LMBRD1: variants seen among roughly 807,000 people sequenced by gnomAD.
LMBRD1 encodes LMBR1 domain containing 1.
A neutral mutation model predicts 74.8 loss-of-function variants in LMBRD1; 64 were observed. The ratio of observed to expected loss-of-function variants is 0.86; its 90% CI spans 0.70 to 1.05. The LOEUF (loss-of-function observed/expected upper bound fraction) is 1.05, where lower values mean the gene tolerates loss of function less well. Ranked by LOEUF, LMBRD1 falls within the 50% of genes least tolerant of loss-of-function variation. The probability of loss-of-function intolerance (pLI) is 0.00; values close to 1 mark genes in which losing one functional copy is unlikely to be tolerated. For missense variants in LMBRD1, 652 were observed against 645.9 expected (o/e 1.01, Z -0.10); for synonymous variants, 204 against 216.3 (o/e 0.94, Z 0.50).
At position 69,702,821 on chromosome 6, in the gene LMBRD1, G is replaced by A. The variant is rs191113435; in HGVS notation, c.916-868C>T. 2.6e-5 allele frequency among the ~76,000 whole-genome samples: 4 copies of A among 152,152 alleles called. No homozygotes were observed. In the East Asian group the frequency reaches 5.8e-4, roughly 22 times the overall value. Reference sequence around the variant, plus strand: ...CCTTTAACTGGAATTGATATAAATAGATCAATGAATGTTATGAAATCATGA... The same window carrying A: ...CCTTTAACTGGAATTGATATAAATAAATCAATGAATGTTATGAAATCATGA... On this transcript the variant is annotated intron_variant, in intron 9 of 15. Coordinates refer to ENST00000649934, the MANE Select transcript of LMBRD1 (RefSeq NM_018368.4).
At chr6:69,770,154 T>C (rs547348143) in intron 3 of LMBRD1, among the ~76,000 whole-genome samples, 1 of 152,254 alleles carries the variant, frequency 6.6e-6, no homozygotes, top group South Asian at 2.1e-4. Context: ...TCCTCTCCGC[T>C]CACCTGACTC....
At chr6:69,716,480 T>C (rs924740021) in intron 8 of LMBRD1, among the ~76,000 whole-genome samples, 8 of 152,156 alleles carry the variant, frequency 5.3e-5, no homozygotes, top group Non-Finnish European at 8.8e-5. Flanking sequence ...TTTATATTTA[T>C]TTTTCATAAA....
Position 69,718,843 on chromosome 6 carries a change from A to T in LMBRD1, c.762+113T>A, listed in dbSNP as rs564326220. The T allele has an allele frequency of 3.6e-5, 41 of 1,149,818 alleles. No homozygotes were observed. In the South Asian group the frequency reaches 4.8e-4, roughly 14 times the overall value. The allele number at this position is 1,149,818 out of a possible 1,614,324, so 71.2% of individuals were successfully genotyped here. A position where few individuals can be genotyped will look rare whatever the true frequency, so the allele number is the denominator to read the frequency against. Reference sequence around the variant, plus strand: ...CAAACTGTACCAGATATGCTGCAAAAAATTCAAACAATGTAAAAAGTTATG... The same window carrying T: ...CAAACTGTACCAGATATGCTGCAAATAATTCAAACAATGTAAAAAGTTATG... On this transcript the variant is annotated intron_variant, in intron 8 of 15. Coordinates refer to ENST00000649934, the MANE Select transcript of LMBRD1 (RefSeq NM_018368.4).
At chr6:69,726,982 C>T (rs1766751008) in intron 7 of LMBRD1, among the ~76,000 whole-genome samples, 3 of 151,980 alleles carry the variant, frequency 2.0e-5, no homozygotes, top group Admixed American at 6.6e-5. Flanking sequence ...GGTGAAATCC[C>T]ATCTCTACTA....
intron 3 of LMBRD1, among the ~76,000 whole-genome samples, chr6:69,775,365 A>G (rs902990242): frequency 1.3e-5 from 2 of 152,214 alleles, no homozygotes; most frequent in African/African-American, 4.8e-5. Flanking sequence ...TTCCATTAAT[A>G]TAACAGAAGA....
chr6:69,693,167 G>A (rs1765925201), intron 14 of LMBRD1, among the ~76,000 whole-genome samples: 1 of 152,022 alleles, frequency 6.6e-6, no homozygotes, highest in Admixed American at 6.5e-5. Flanking sequence ...TGCATTACCT[G>A]TCAGGATGAA....
At chr6:69,713,563 A>C (rs1401099841) in intron 9 of LMBRD1, 82 bp downstream of exon 9, 1 of 1,419,908 alleles carries the variant, frequency 7.0e-7, no homozygotes. Flanking sequence ...GTAATGCCTC[A>C]AAAGGAGAGC....
chr6:69,738,819 T>A (rs1254057794), intron 6 of LMBRD1, among the ~76,000 whole-genome samples: 1 of 152,110 alleles, frequency 6.6e-6, no homozygotes, highest in Non-Finnish European at 1.5e-5. Flanking sequence ...ATTGAGCGAG[T>A]TTAAATGCAA....
intron 3 of LMBRD1, among the ~76,000 whole-genome samples, chr6:69,768,694 G>T (rs1765519643): frequency 6.6e-6 from 1 of 151,790 alleles, no homozygotes; most frequent in African/African-American, 2.4e-5. Flanking sequence ...TATGAATTTG[G>T]TTTACTGCCT....
chr6:69,759,649 T>C (rs1765337474), intron 3 of LMBRD1, among the ~76,000 whole-genome samples: 1 of 152,034 alleles, frequency 6.6e-6, no homozygotes, highest in South Asian at 2.1e-4. Flanking sequence ...ACAGAAAAGG[T>C]CCCTTTTAAA....
intron 9 of LMBRD1, among the ~76,000 whole-genome samples, chr6:69,706,749 G>T (rs1179270131): frequency 1.3e-5 from 2 of 151,994 alleles, no homozygotes; most frequent in African/African-American, 4.8e-5. Flanking sequence ...CTTTCATAAA[G>T]GTGGCTGCTG....
intron 14 of LMBRD1, among the ~76,000 whole-genome samples, chr6:69,689,490 A>G (rs1159438103): frequency 2.6e-5 from 4 of 152,130 alleles, no homozygotes; most frequent in Admixed American, 1.3e-4. Flanking sequence ...CAAGGTGAGA[A>G]CCTGGTTAGA....
chr6:69,712,929 C>G (rs1472950418), intron 9 of LMBRD1, among the ~76,000 whole-genome samples: 2 of 152,028 alleles, frequency 1.3e-5, no homozygotes. Flanking sequence ...GATGGATATG[C>G]CCATTACCCA....
At chr6:69,741,254 A>G (rs1582110157) in intron 6 of LMBRD1, among the ~76,000 whole-genome samples, 1 of 152,220 alleles carries the variant, frequency 6.6e-6, no homozygotes, top group East Asian at 1.9e-4. Flanking sequence ...TGGTAATTTT[A>G]TAAAGAAGTC....
In LMBRD1 at chr6:69,752,279, C is replaced by A. The variant is rs918191966; in HGVS notation, c.385G>T (p.Asp129Tyr). 3 of 1,610,300 alleles carry A rather than the reference C, an allele frequency of 1.9e-6. No individual in the cohort carries two copies. Among genetic ancestry groups the A allele is most frequent in the African/African-American group, 1.3e-5 (1 of 74,836 alleles). The change falls in exon 4 of 16, where the codon GAT becomes TAT. Residue 129 changes from aspartate (D) to tyrosine (Y), a missense_variant. Around this residue, in one of 3 missense-constraint regions of LMBRD1, gnomAD observed 598 missense variants for 581.8 expected, o/e 1.03. Coordinates refer to ENST00000649934, the MANE Select transcript of LMBRD1 (RefSeq NM_018368.4). ...CTTACAGTACATTTACTAGTATCAT[C>A]ATCATCCTTTTCTTCATAATAGAAG... ...VYFYYEEKDD[D>Y]DTSKCTQIKT...
chr6:69,772,843 G>C (rs1765604203), intron 3 of LMBRD1, among the ~76,000 whole-genome samples: 1 of 152,182 alleles, frequency 6.6e-6, no homozygotes, highest in Non-Finnish European at 1.5e-5. Context: ...ATACTAGTCA[G>C]TTCTTTCAAT....
chr6:69,745,221 A>C (rs1267721636), intron 5 of LMBRD1, among the ~76,000 whole-genome samples: 5 of 151,870 alleles, frequency 3.3e-5, no homozygotes, highest in Admixed American at 3.3e-4. Context: ...TCACTGTCTT[A>C]CAATTACCGG....
At chr6:69,784,667 G>C (rs892151290) in intron 2 of LMBRD1, among the ~76,000 whole-genome samples, 2 of 152,150 alleles carry the variant, frequency 1.3e-5, no homozygotes, top group Non-Finnish European at 2.9e-5. Context: ...GCAGCCCCAA[G>C]ACAGGAGCTC....
intron 14 of LMBRD1, among the ~76,000 whole-genome samples, chr6:69,694,286 C>A (rs1023821584): frequency 2.0e-5 from 3 of 152,086 alleles, no homozygotes; most frequent in African/African-American, 7.2e-5. Context: ...ACAATTTGAA[C>A]AACAGAATCT....
Sources: allele counts gnomAD v4.1 joint callset (sites outside exome capture counted in the v4.1 genomes callset), GRCh38; gene constraint gnomAD v4.1.1; regional missense constraint gnomAD v4.1.1; transcripts MANE v1.5; gene names NCBI Gene and HGNC (gene_info 2026-07-23, HGNC 2026-07-21).